The following RIN2 variants were observed in gnomAD, a reference collection of about 807,000 sequenced individuals.
The protein encoded by RIN2 is Ras and Rab interactor 2.
A neutral mutation model predicts 78.0 loss-of-function variants in RIN2; 36 were observed. The observed-to-expected ratio is 0.46, with a 90% CI of 0.35 to 0.61. The LOEUF (loss-of-function observed/expected upper bound fraction) is 0.61. Ranked by LOEUF, RIN2 falls within the 20% of genes least tolerant of loss-of-function variation. The pLI, the probability that RIN2 is intolerant of heterozygous loss-of-function variation, is 0.00. For synonymous variants in RIN2, 466 were observed against 466.8 expected (o/e 1.00, Z 0.02); for missense variants, 1,087 against 1,159.7 (o/e 0.94, Z 0.91).
intron 2 of RIN2, among the ~76,000 whole-genome samples, chr20:19,844,648 CTTCTT>C (rs1568807465): frequency 8.4e-5 from 9 of 106,694 alleles, no homozygotes; most frequent in East Asian, 3.7e-4. Context: ...TCTTCTTCTT[CTTCTT>C]CTTCTTCTTC....
intron 2 of RIN2, among the ~76,000 whole-genome samples, chr20:19,853,414 G>A (rs1169998428): frequency 6.6e-6 from 1 of 152,130 alleles, no homozygotes; most frequent in East Asian, 1.9e-4. Context: ...GGGATGGCTG[G>A]GTCAAATGGT....
intron 2 of RIN2, among the ~76,000 whole-genome samples, chr20:19,837,499 C>T (rs748870463): frequency 2.0e-5 from 3 of 152,094 alleles, no homozygotes; most frequent in African/African-American, 4.8e-5. Context: ...TCAAATTAAT[C>T]ACATGTCTTT....
At chr20:19,851,167 T>A (rs556538157) in intron 2 of RIN2, among the ~76,000 whole-genome samples, 1 of 152,186 alleles carries the variant, frequency 6.6e-6, no homozygotes, top group East Asian at 1.9e-4. Flanking sequence ...TCTCTAGGCA[T>A]GCTGGGTGCT....
intron 4 of RIN2, among the ~76,000 whole-genome samples, chr20:19,953,205 C>T (rs964165760): frequency 6.6e-5 from 10 of 152,124 alleles, no homozygotes; most frequent in Non-Finnish European, 1.2e-4. Context: ...GTGGAAGGAT[C>T]TCGGCTCACT....
intron 3 of RIN2, among the ~76,000 whole-genome samples, chr20:19,906,052 G>C (rs971406980): frequency 7.9e-5 from 12 of 152,182 alleles, no homozygotes; most frequent in African/African-American, 2.9e-4. Flanking sequence ...CACCCCCAGA[G>C]AGTAAGTGGC....
intron 4 of RIN2, among the ~76,000 whole-genome samples, chr20:19,945,779 A>G (rs1345565720): frequency 6.6e-6 from 1 of 152,162 alleles, no homozygotes; most frequent in Non-Finnish European, 1.5e-5. Context: ...TGAGCTTAGA[A>G]GGGGTGTCCA....
At chr20:19,863,925 G>C (rs1171760166) in intron 2 of RIN2, among the ~76,000 whole-genome samples, 1 of 151,522 alleles carries the variant, frequency 6.6e-6, no homozygotes, top group Non-Finnish European at 1.5e-5. Flanking sequence ...GGCTGTGAGA[G>C]CACAGTGAAT....
intron 1 of RIN2, among the ~76,000 whole-genome samples, chr20:19,788,062 G>A (rs1165866528): frequency 6.6e-6 from 1 of 152,134 alleles, no homozygotes; most frequent in East Asian, 1.9e-4. Flanking sequence ...TGCGATCTCA[G>A]CAAACTACCA....
chr20:19,824,349 C>G (rs1442216951), intron 2 of RIN2, among the ~76,000 whole-genome samples: 3 of 152,088 alleles, frequency 2.0e-5, no homozygotes, highest in African/African-American at 7.2e-5. Context: ...AATACATGTA[C>G]CTAGTACATC....
chr20:19,932,672 C>A (rs2086664299), intron 3 of RIN2, among the ~76,000 whole-genome samples: 4 of 152,218 alleles, frequency 2.6e-5, no homozygotes, highest in South Asian at 4.1e-4. Context: ...ATCTGCTGGG[C>A]CCCCTTCTCC....
At chr20:19,763,376 A>C (rs2033729531) in intron 1 of RIN2, among the ~76,000 whole-genome samples, 2 of 148,900 alleles carry the variant, frequency 1.3e-5, no homozygotes, top group African/African-American at 5.1e-5. Context: ...TGACAGAGCA[A>C]GACTCTGTCT....
intron 3 of RIN2, among the ~76,000 whole-genome samples, chr20:19,923,469 T>TAAAATAAAATAAAATAAATA (rs144067000): frequency 1.0e-5 from 1 of 97,118 alleles, no homozygotes; most frequent in African/African-American, 4.3e-5. Context: ...TAAAATAAAA[T>TAAAATAAAATAAAATAAATA]AAATAAAATA....
rs560120833 is a variant in RIN2 at position 19,877,018 on chromosome 20, G to A, written c.-36-12548G>A. On this transcript the variant is annotated intron_variant, in intron 2 of 12. Transcript: ENST00000255006. Reference sequence around the variant, plus strand: ...TTTGGATTAGGCCAGTCAGGACTGCGAAGAGGTCAGTTTGGCCCAGTTTGC... The same window carrying A: ...TTTGGATTAGGCCAGTCAGGACTGCAAAGAGGTCAGTTTGGCCCAGTTTGC... 5.9e-5 allele frequency among the ~76,000 whole-genome samples: 9 copies of A among 152,274 alleles called. No homozygotes were observed. In the South Asian group the frequency reaches 1.2e-3, roughly 21 times the overall value.
chr20:19,819,204 CT>C (rs1464900684), intron 2 of RIN2, among the ~76,000 whole-genome samples: 2 of 152,206 alleles, frequency 1.3e-5, no homozygotes, highest in African/African-American at 4.8e-5. Flanking sequence ...GTTCTGAAGG[CT>C]GAGAAGTCCA....
intron 2 of RIN2, among the ~76,000 whole-genome samples, chr20:19,800,871 G>A (rs2035220122): frequency 6.6e-6 from 1 of 152,192 alleles, no homozygotes; most frequent in South Asian, 2.1e-4. Context: ...TGAATGAGAT[G>A]AACTGACTTA....
intron 2 of RIN2, among the ~76,000 whole-genome samples, chr20:19,849,094 G>A (rs1304846172): frequency 6.6e-6 from 1 of 151,958 alleles, no homozygotes; most frequent in Non-Finnish European, 1.5e-5. Flanking sequence ...GTAGTAAGGG[G>A]ATAGAATTCA....
intron 3 of RIN2, among the ~76,000 whole-genome samples, chr20:19,932,423 T>G (rs1024817207): frequency 6.6e-6 from 1 of 152,164 alleles, no homozygotes; most frequent in Non-Finnish European, 1.5e-5. Context: ...ACAAGGGGGA[T>G]CCTGTTTTCC....
At chr20:19,874,589 C>T (rs2037798082) in intron 2 of RIN2, among the ~76,000 whole-genome samples, 1 of 152,148 alleles carries the variant, frequency 6.6e-6, no homozygotes, top group African/African-American at 2.4e-5. Flanking sequence ...TTCCCTGACT[C>T]CCTCACAGTA....
At chr20:19,810,728 G>C (rs1320019619) in intron 2 of RIN2, among the ~76,000 whole-genome samples, 1 of 95,852 alleles carries the variant, frequency 1.0e-5, no homozygotes, top group Admixed American at 1.7e-4. Flanking sequence ...GTCTTGTTCT[G>C]TCTCGCCCAG....
Sources: allele counts gnomAD v4.1 joint callset (sites outside exome capture counted in the v4.1 genomes callset), GRCh38; gene constraint gnomAD v4.1.1; transcripts MANE v1.5; gene names NCBI Gene and HGNC (gene_info 2026-07-23, HGNC 2026-07-21).